Variants in TTC7A observed in about 807,000 individuals in gnomAD.
The protein encoded by TTC7A is tetratricopeptide repeat protein 7A.
Under a neutral mutation model 103.7 loss-of-function variants are expected in TTC7A, and 110 were observed. The ratio of observed to expected loss-of-function variants is 1.06; its 90% CI spans 0.91 to 1.24. The LOEUF is 1.24. Ranked by LOEUF, TTC7A falls within the 50% of genes most tolerant of loss-of-function variation. TTC7A has a pLI of 0.00. For missense variants in TTC7A, 1,340 were observed against 1,116.3 expected, an observed-to-expected ratio of 1.20 and a Z score of -2.86; for synonymous variants, 521 against 467.9, an observed-to-expected ratio of 1.11 and a Z score of -1.47.
chr2:46,966,639 A>C (rs1672874425), intron 3 of TTC7A, among the ~76,000 whole-genome samples: 1 of 151,112 alleles, frequency 6.6e-6, no homozygotes, highest in South Asian at 2.1e-4. Context: ...ATATCCTTGA[A>C]GCTAAATTTT....
chr2:47,035,735 T>C (rs1229028975), intron 15 of TTC7A: 1 of 152,286 alleles, frequency 6.6e-6, no homozygotes, highest in Admixed American at 6.5e-5. Context: ...CTTTCTCTGC[T>C]TGCGGCAGGG....
chr2:47,041,128 G>GC (rs1428844670), intron 15 of TTC7A, among the ~76,000 whole-genome samples: 1 of 152,150 alleles, frequency 6.6e-6, no homozygotes, highest in East Asian at 1.9e-4. Flanking sequence ...CACATCTGGA[G>GC]CCCACTGTTC....
Position 47,006,695 on chromosome 2 carries a change from G to T in TTC7A, c.1258G>T (p.Val420Leu), listed in dbSNP as rs759758834. 1.2e-6 allele frequency: 2 copies of T among 1,614,198 alleles called. No homozygotes were observed. The highest frequency in any genetic ancestry group is 1.7e-6 in the Non-Finnish European group (2 of 1,180,008). Residue 420 changes from valine (V) to leucine (L), a missense_variant, in exon 10 of 20, where the codon GTG becomes TTG. Coordinates refer to ENST00000319190, the MANE Select transcript of TTC7A (RefSeq NM_020458.4). ...AFGEFHLWYQ[V>L]ALSMVACGKS... ...TGGAGAATTTCACCTTTGGTACCAG[G>T]TGGCCCTCTCCATGGTGGCTTGTGG...
chr2:47,036,367 G>A (rs1681107506), intron 15 of TTC7A, among the ~76,000 whole-genome samples: 1 of 152,236 alleles, frequency 6.6e-6, no homozygotes, highest in Non-Finnish European at 1.5e-5. Flanking sequence ...TTCATTAAGA[G>A]GTGGAGGATC....
Position 47,029,365 on chromosome 2 carries a change from G to A in TTC7A, c.1783G>A (p.Glu595Lys), listed in dbSNP as rs201481224. 14 of 1,613,830 alleles carry A rather than the reference G, an allele frequency of 8.7e-6. No homozygotes were observed. The highest frequency in any genetic ancestry group is 5.5e-5 in the South Asian group (5 of 91,084). The stretch of plus-strand genomic sequence containing the variant: ...GGATGTTGTCAACATGGCCATCACC[G>A]AGCACCCTGAGAACTTCAAGTGAGT... ...ALDVVNMAIT[E>K]HPENFNLMFT... Residue 595 changes from glutamate to lysine, a missense_variant, in exon 15 of 20, where the codon GAG (glutamate) becomes AAG (lysine). Physicochemically the swap from Glu to Lys is moderately conservative, Grantham distance 56. Coordinates refer to ENST00000319190, the MANE Select transcript of TTC7A (RefSeq NM_020458.4).
chr2:46,985,666 C>G (rs1272495307), intron 5 of TTC7A, among the ~76,000 whole-genome samples: 1 of 152,204 alleles, frequency 6.6e-6, no homozygotes, highest in Non-Finnish European at 1.5e-5. Flanking sequence ...CCCCATGAGC[C>G]TGGTGCTGAA....
chr2:47,054,510 A>T (rs1399544074), intron 18 of TTC7A, among the ~76,000 whole-genome samples: 1 of 152,068 alleles, frequency 6.6e-6, no homozygotes, highest in Non-Finnish European at 1.5e-5. Flanking sequence ...GCTCTGGCAG[A>T]TGTCATTATT....
chr2:47,073,143 C>T (rs1684913761), intron 19 of TTC7A, among the ~76,000 whole-genome samples: 1 of 152,180 alleles, frequency 6.6e-6, no homozygotes. Context: ...GCTTTTCCTC[C>T]CTGGTGGCAG....
At chr2:46,953,029 C>G (rs1272502228) in intron 2 of TTC7A, among the ~76,000 whole-genome samples, 1 of 152,178 alleles carries the variant, frequency 6.6e-6, no homozygotes, top group Non-Finnish European at 1.5e-5. Context: ...TTATTAAATA[C>G]AAATTGTACC....
intron 2 of TTC7A, among the ~76,000 whole-genome samples, chr2:46,935,158 G>A (rs1669913597): frequency 2.0e-5 from 3 of 152,072 alleles, no homozygotes; most frequent in Admixed American, 2.0e-4. Context: ...AGAAGCGTTG[G>A]TCACTAGATG....
Position 47,065,440 on chromosome 2 carries a change from T to C in TTC7A, c.2355+4469T>C, listed in dbSNP as rs971039224. 5.3e-5 allele frequency among the ~76,000 whole-genome samples: 8 copies of C among 152,228 alleles called. No individual in the cohort carries two copies. In the East Asian group the frequency reaches 5.8e-4, roughly 11 times the overall value. ...GGAAGACAAATCAATGGGAAACTAATGGTAGACAAAGGCCAGTTAGCAGCG... is the reference window on the plus strand; with the variant it reads ...GGAAGACAAATCAATGGGAAACTAACGGTAGACAAAGGCCAGTTAGCAGCG... On this transcript the variant is annotated intron_variant, in intron 19 of 19. Transcript: ENST00000319190.
intron 8 of TTC7A, chr2:46,999,398 C>G: frequency 1.5e-6 from 1 of 680,570 alleles, no homozygotes. Flanking sequence ...ATTCATCCAT[C>G]CAGCCACCTA....
chr2:46,952,225 G>A (rs908045733), intron 2 of TTC7A, among the ~76,000 whole-genome samples: 1 of 152,070 alleles, frequency 6.6e-6, no homozygotes, highest in African/African-American at 2.4e-5. Context: ...TAAAATAGCT[G>A]CCTGACCCTG....
rs755109997 is a variant in TTC7A, at chr2:46,993,456, C to T, written c.771C>T (p.Ile257=). ...AYVKNLKKGN[I]VKGMRELREV... is the part of the protein sequence containing the mutation. ...TCTGCCGTCCTCCCACCAGGAACAT[C>T]GTGAAGGGCATGAGAGAGCTCCGGG... The change falls in exon 6 of 20, where the codon ATC becomes ATT. Residue 257 remains isoleucine, a synonymous_variant. Coordinates refer to ENST00000319190, the MANE Select transcript of TTC7A (RefSeq NM_020458.4). 20 of 1,614,046 alleles carry T rather than the reference C, an allele frequency of 1.2e-5. No homozygotes were observed. Among genetic ancestry groups the T allele is most frequent in the African/African-American group, 4.0e-5 (3 of 74,924 alleles).
intron 1 of TTC7A, among the ~76,000 whole-genome samples, chr2:46,946,286 GT>G (rs1359483077): frequency 1.3e-5 from 2 of 152,210 alleles, no homozygotes; most frequent in Non-Finnish European, 2.9e-5. Flanking sequence ...ATGCCCCTGG[GT>G]AGAGAGAAGC....
Position 47,029,389 on chromosome 2 carries a change from G to T in TTC7A, c.1802+5G>T. On this transcript the variant is annotated splice_donor_5th_base_variant and intron_variant, in intron 15 of 19. Coordinates refer to ENST00000319190, the MANE Select transcript of TTC7A (RefSeq NM_020458.4). ...CGAGCACCCTGAGAACTTCAAGTGAGTGCCCTGGGAACACTCTGGCAGTGG... is the reference window on the plus strand; with the variant it reads ...CGAGCACCCTGAGAACTTCAAGTGATTGCCCTGGGAACACTCTGGCAGTGG... 4 of 1,613,534 alleles carry T rather than the reference G, an allele frequency of 2.5e-6. No homozygotes were observed. Among genetic ancestry groups the T allele is most frequent in the Non-Finnish European group, 3.4e-6 (4 of 1,180,000 alleles).
chr2:47,014,682 C>A (rs898541133), intron 11 of TTC7A, among the ~76,000 whole-genome samples: 1 of 152,252 alleles, frequency 6.6e-6, no homozygotes, highest in Admixed American at 6.5e-5. Flanking sequence ...TCGTCTCCTG[C>A]CTTCGCAGTT....
chr2:46,985,699 C>T (rs534686123), intron 5 of TTC7A, among the ~76,000 whole-genome samples: 90 of 152,326 alleles, frequency 5.9e-4, no homozygotes, highest in African/African-American at 2.1e-3. Flanking sequence ...CAGCCCATGG[C>T]ACCACGCCCA....
intron 1 of TTC7A, among the ~76,000 whole-genome samples, chr2:46,943,374 TG>T (rs1670629122): frequency 6.6e-6 from 1 of 152,128 alleles, no homozygotes; most frequent in Non-Finnish European, 1.5e-5. Context: ...GTGTCAGAGT[TG>T]GGGACACGGA....
Sources: allele counts gnomAD v4.1 joint callset (sites outside exome capture counted in the v4.1 genomes callset), GRCh38; gene constraint gnomAD v4.1.1; transcripts MANE v1.5; gene names NCBI Gene and HGNC (gene_info 2026-07-23, HGNC 2026-07-21).